Variants in LRTM1 observed in about 807,000 individuals in gnomAD.
LRTM1 encodes leucine-rich repeat and transmembrane domain-containing protein 1.
A neutral mutation model predicts 32.4 loss-of-function variants in LRTM1; 38 were observed. The observed-to-expected ratio is 1.17, with a 90% CI of 0.91 to 1.54. LRTM1 has a LOEUF of 1.54. LRTM1 is among the 40% of genes most tolerant of loss of function. The pLI, the probability that LRTM1 is intolerant of heterozygous loss-of-function variation, is 0.00. For synonymous variants in LRTM1, 186 were observed against 169.9 expected, an observed-to-expected ratio of 1.09 and a Z score of -0.74; for missense variants, 466 against 415.4, an observed-to-expected ratio of 1.12 and a Z score of -1.06.
At chr3:54,937,864 A>G (rs1260292256) in intron 1 of LRTM1, among the ~76,000 whole-genome samples, 1 of 152,158 alleles carries the variant, frequency 6.6e-6, no homozygotes, top group Non-Finnish European at 1.5e-5. Context: ...TTGGGCAAGC[A>G]GGTGCTGGAG....
upstream of LRTM1, among the ~76,000 whole-genome samples, chr3:54,928,353 C>T (rs897676896): frequency 3.3e-5 from 5 of 152,114 alleles, no homozygotes; most frequent in South Asian, 2.1e-4. Flanking sequence ...CTTCTTAATC[C>T]GGCTGTGGCT....
intron 1 of LRTM1, among the ~76,000 whole-genome samples, chr3:54,953,554 C>G (rs137931744): frequency 1.2e-4 from 18 of 152,328 alleles, no homozygotes; most frequent in African/African-American, 3.8e-4. Context: ...AACAAGGCCT[C>G]AGGAGACCTT....
At chr3:54,964,157 A>G (rs1702091932) in intron 1 of LRTM1, among the ~76,000 whole-genome samples, 2 of 152,110 alleles carry the variant, frequency 1.3e-5, no homozygotes, top group African/African-American at 4.8e-5. Flanking sequence ...CTCACCCCAT[A>G]TTGGCACATG....
At chr3:54,919,929 T>C (rs2106927651) in intron 2 of LRTM1, among the ~76,000 whole-genome samples, 1 of 152,240 alleles carries the variant, frequency 6.6e-6, no homozygotes, top group Non-Finnish European at 1.5e-5. Context: ...CATCCTCCTC[T>C]CAGGAGCGTT....
At chr3:54,939,430 C>G (rs1472474006) in intron 1 of LRTM1, among the ~76,000 whole-genome samples, 1 of 152,202 alleles carries the variant, frequency 6.6e-6, no homozygotes, top group Non-Finnish European at 1.5e-5. Flanking sequence ...GTCCCTTCCC[C>G]TGGCATGTGG....
At chr3:54,958,919 C>T (rs1380620941) in intron 1 of LRTM1, among the ~76,000 whole-genome samples, 3 of 151,990 alleles carry the variant, frequency 2.0e-5, no homozygotes, top group African/African-American at 7.2e-5. Context: ...GCCTGGGCAA[C>T]ATGGCAAAAC....
chr3:54,935,704 A>T (rs1278959408), intron 1 of LRTM1, among the ~76,000 whole-genome samples: 2 of 152,204 alleles, frequency 1.3e-5, no homozygotes, highest in African/African-American at 2.4e-5. Context: ...ATAACGTGAT[A>T]GTTCAGTTTC....
chr3:54,951,505 G>A (rs1424643263), intron 1 of LRTM1, among the ~76,000 whole-genome samples: 1 of 152,212 alleles, frequency 6.6e-6, no homozygotes, highest in East Asian at 1.9e-4. Context: ...TGAGTTGTAG[G>A]ATTTCAGTTA....
At position 54,918,600 on chromosome 3, in the gene LRTM1, CA is replaced by C. The variant is rs750192575; in HGVS notation, c.896del (p.Val299GlyfsTer4). ...VIITGVVCGI[V>X]CLMMLAAAIY... ...TGGCAGCTGCCAACATCATGAGACA[CA>C]CAATCCCACACACAACGCCAGTGAT... On this transcript the variant is annotated frameshift_variant, in exon 3 of 3. Transcript: ENST00000273286. LOFTEE classifies it high-confidence loss of function. The C allele has an allele frequency of 9.4e-4, 1,519 of 1,614,062 alleles. 1 individual carries two copies. The highest frequency in any genetic ancestry group is 1.4e-3 in the South Asian group (125 of 91,090).
At chr3:54,934,681 A>C (rs1249405932) in intron 1 of LRTM1, among the ~76,000 whole-genome samples, 3 of 152,124 alleles carry the variant, frequency 2.0e-5, no homozygotes, top group African/African-American at 7.2e-5. Flanking sequence ...AAGATATTGC[A>C]TACTGGTTCC....
chr3:54,930,281 C>T (rs1173884601), upstream of LRTM1, among the ~76,000 whole-genome samples: 1 of 152,170 alleles, frequency 6.6e-6, no homozygotes, highest in Non-Finnish European at 1.5e-5. Flanking sequence ...CATATCCACT[C>T]TCCTGTTGCC....
intron 1 of LRTM1, among the ~76,000 whole-genome samples, chr3:54,957,761 C>T (rs1441204843): frequency 2.0e-5 from 3 of 152,118 alleles, no homozygotes; most frequent in Non-Finnish European, 2.9e-5. Context: ...CATGCCAGTC[C>T]GTCTGTCATC....
At position 54,949,335 on chromosome 3, in the gene LRTM1, G is replaced by A. The variant is rs576663865; in HGVS notation, c.-222+17593C>T. 2.6e-5 allele frequency among the ~76,000 whole-genome samples: 4 copies of A among 152,304 alleles called. No homozygotes were observed. The South Asian group carries it at 8.3e-4, about 32-fold the overall frequency. The stretch of plus-strand genomic sequence containing the variant: ...AAATGGTCTAGGTGTGGATAAGGAG[G>A]GAGGGTCTCTGCTGCTGAAAAAAGG... On this transcript the variant is annotated intron_variant, in intron 1 of 2. Transcript: ENST00000493075.
At chr3:54,930,891 GTTC>G (rs1701171409), upstream of LRTM1, among the ~76,000 whole-genome samples, 1 of 152,146 alleles carries the variant, frequency 6.6e-6, no homozygotes, top group Admixed American at 6.5e-5. Flanking sequence ...GAGGACAGGA[GTTC>G]GAGACCAGCC....
Position 54,964,206 on chromosome 3 carries a change from G to C in LRTM1, c.-222+2722C>G, listed in dbSNP as rs543163917. 2.0e-5 allele frequency among the ~76,000 whole-genome samples: 3 copies of C among 152,280 alleles called. No homozygotes were observed. In the South Asian group the frequency reaches 6.2e-4, roughly 32 times the overall value. On this transcript the variant is annotated intron_variant, in intron 1 of 2. Coordinates refer to the LRTM1 transcript ENST00000493075. ...TGGGATAATATTTTCTGGATCGGTTGTGTTCCTGGGTGGTGAGTAAGATAT... is the reference window on the plus strand; with the variant it reads ...TGGGATAATATTTTCTGGATCGGTTCTGTTCCTGGGTGGTGAGTAAGATAT...
chr3:54,922,320 CT>C (rs199955110), intron 2 of LRTM1, among the ~76,000 whole-genome samples: 8,476 of 136,718 alleles, frequency 0.062, 515 homozygotes, highest in African/African-American at 0.16. Flanking sequence ...GTCCTGGGAA[CT>C]TTTTTTTTTT....
At chr3:54,942,796 G>A (rs974217551) in intron 1 of LRTM1, among the ~76,000 whole-genome samples, 31 of 152,152 alleles carry the variant, frequency 2.0e-4, no homozygotes, top group Non-Finnish European at 2.6e-4. Flanking sequence ...AGGCCGAGGC[G>A]GGTGGATCAC....
At chr3:54,928,194 T>C (rs1701082449), upstream of LRTM1, 1 of 456,514 alleles carries the variant, frequency 2.2e-6, no homozygotes, top group Non-Finnish European at 3.9e-6. Context: ...CCCAGGATCA[T>C]CCCTGCCTTT....
intron 1 of LRTM1, among the ~76,000 whole-genome samples, chr3:54,954,605 G>A (rs1356519164): frequency 2.6e-5 from 4 of 152,182 alleles, no homozygotes; most frequent in Admixed American, 6.5e-5. Context: ...CGTTCAGGAG[G>A]CTGGAGGTAG....
Sources: allele counts gnomAD v4.1 joint callset (sites outside exome capture counted in the v4.1 genomes callset), GRCh38; gene constraint gnomAD v4.1.1; transcripts MANE v1.5; gene names NCBI Gene and HGNC (gene_info 2026-07-23, HGNC 2026-07-21).